WIF1: variants seen among roughly 807,000 people sequenced by gnomAD.
WIF1 encodes the protein Wnt inhibitory factor 1.
In WIF1, 35 loss-of-function variants were observed where a neutral mutation model predicts 53.5. The observed-to-expected ratio is 0.65, with a 90% confidence interval of 0.50 to 0.87. The LOEUF (loss-of-function observed/expected upper bound fraction) is 0.87, where lower values mean the gene tolerates loss of function less well. Among genes scored for constraint, WIF1 ranks in the 40% least tolerant of loss-of-function variants. The pLI, the probability that WIF1 is intolerant of heterozygous loss-of-function variation, is 0.00. For synonymous variants in WIF1, 171 were observed against 170.4 expected, an observed-to-expected ratio of 1.00 and a Z score of -0.03; for missense variants, 467 against 476.8, an observed-to-expected ratio of 0.98 and a Z score of 0.19.
intron 2 of WIF1, among the ~76,000 whole-genome samples, chr12:65,117,894 C>T (rs904941857): frequency 2.6e-5 from 4 of 152,208 alleles, no homozygotes; most frequent in African/African-American, 9.6e-5. Flanking sequence ...CATCTGTCAA[C>T]GCAGACAAAG....
chr12:65,099,216 CT>C (rs143808770), intron 2 of WIF1, among the ~76,000 whole-genome samples: 4,680 of 152,228 alleles, frequency 0.031, 244 homozygotes, highest in African/African-American at 0.11. Context: ...GGAGACATAT[CT>C]TTGCCTTTAT....
Position 65,055,206 on chromosome 12 carries a change from G to T in WIF1, c.930C>A (p.Cys310Ter), listed in dbSNP as rs1026024. ...TTCCATGTGCACCACAGCCAGGCTC[G>T]CAGACAGCTAGAATCAAAAGAAATA... ...YQGDLCSKPVCEPGCGAHGTC... is the reference protein window; with the variant it reads ...YQGDLCSKPV The change falls in exon 9 of 10, where the codon TGC becomes TGA. Residue 310 changes from cysteine to a stop codon, truncating the protein, a stop_gained. Transcript: ENST00000286574. LOFTEE classifies it high-confidence loss of function. The T allele has an allele frequency of 6.2e-7, 1 of 1,613,416 alleles. No homozygotes were observed. The highest frequency in any genetic ancestry group is 8.5e-7 in the Non-Finnish European group (1 of 1,179,792).
At chr12:65,065,287 T>G (rs1403173598) in intron 6 of WIF1, among the ~76,000 whole-genome samples, 1 of 152,052 alleles carries the variant, frequency 6.6e-6, no homozygotes, top group African/African-American at 2.4e-5. Flanking sequence ...GAGATCAAGT[T>G]GCCTGCCCAG....
chr12:65,112,401 T>G (rs1334595569), intron 2 of WIF1, among the ~76,000 whole-genome samples: 2 of 49,804 alleles, frequency 4.0e-5, no homozygotes, highest in Non-Finnish European at 1.1e-4. Context: ...TTCCCTGCTC[T>G]AATCACACAC....
chr12:65,092,772 G>A (rs557607269), intron 2 of WIF1, among the ~76,000 whole-genome samples: 61 of 151,944 alleles, frequency 4.0e-4, no homozygotes, highest in Admixed American at 8.5e-4. Flanking sequence ...CAGCTCATGG[G>A]GAAGCAATGC....
At chr12:65,089,480 T>G (rs185491171) in intron 2 of WIF1, among the ~76,000 whole-genome samples, 49 of 152,278 alleles carry the variant, frequency 3.2e-4, no homozygotes, top group African/African-American at 9.9e-4. Flanking sequence ...AAATGCCAAC[T>G]GGAATATATC....
intron 2 of WIF1, 143 bp downstream of exon 2, chr12:65,120,274 A>T (rs1476142786): frequency 2.2e-6 from 2 of 893,536 alleles, no homozygotes; most frequent in Non-Finnish European, 3.2e-6. Context: ...ATAAATGGAA[A>T]TTAATTCTTT....
At chr12:65,119,479 T>C (rs928422904) in intron 2 of WIF1, among the ~76,000 whole-genome samples, 4 of 152,142 alleles carry the variant, frequency 2.6e-5, no homozygotes, top group Admixed American at 6.5e-5. Context: ...GGAAACAAAG[T>C]GGTTTCTCAA....
intron 7 of WIF1, among the ~76,000 whole-genome samples, chr12:65,056,469 C>T (rs1882529995): frequency 6.8e-6 from 1 of 146,796 alleles, no homozygotes; most frequent in Non-Finnish European, 1.5e-5. Flanking sequence ...AAGTGATCCG[C>T]CCGCCTTGGC....
intron 2 of WIF1, among the ~76,000 whole-genome samples, chr12:65,079,886 T>G (rs1882922024): frequency 6.6e-6 from 1 of 152,114 alleles, no homozygotes; most frequent in Non-Finnish European, 1.5e-5. Context: ...TTATATTAAT[T>G]TTTGCATTCT....
chr12:65,077,230 A>G (rs1441756299), intron 3 of WIF1, among the ~76,000 whole-genome samples: 2 of 152,260 alleles, frequency 1.3e-5, no homozygotes, highest in Non-Finnish European at 2.9e-5. Context: ...CAAATATCAC[A>G]TACTATTATT....
chr12:65,077,501 A>G (rs548748978), intron 3 of WIF1, among the ~76,000 whole-genome samples: 6 of 152,208 alleles, frequency 3.9e-5, no homozygotes, highest in African/African-American at 7.2e-5. Context: ...GTCTGGAATC[A>G]TTTATGAACT....
intron 2 of WIF1, among the ~76,000 whole-genome samples, chr12:65,091,541 T>A (rs1883123343): frequency 6.6e-6 from 1 of 151,820 alleles, no homozygotes; most frequent in Admixed American, 6.6e-5. Flanking sequence ...CAATATTGTA[T>A]CCTATATAAC....
At chr12:65,104,817 G>T (rs988662384) in intron 2 of WIF1, among the ~76,000 whole-genome samples, 8 of 152,054 alleles carry the variant, frequency 5.3e-5, no homozygotes, top group Non-Finnish European at 8.8e-5. Flanking sequence ...TCTAATTCTA[G>T]CAATCAACTC....
chr12:65,062,349 C>G (rs1440769158), intron 7 of WIF1, 132 bp downstream of exon 7: 23 of 751,012 alleles, frequency 3.1e-5, no homozygotes, highest in Admixed American at 6.3e-5. Context: ...CAAAAAGAAA[C>G]CACTGGCCTA....
intron 2 of WIF1, among the ~76,000 whole-genome samples, chr12:65,094,782 GCTT>G (rs1020427119): frequency 6.6e-6 from 1 of 151,836 alleles, no homozygotes; most frequent in African/African-American, 2.4e-5. Context: ...TTGTGTCTTG[GCTT>G]CTTCTTTCCC....
intron 2 of WIF1, among the ~76,000 whole-genome samples, chr12:65,099,979 T>A (rs926768574): frequency 3.3e-5 from 5 of 152,130 alleles, no homozygotes; most frequent in African/African-American, 1.2e-4. Flanking sequence ...AAACATTTTT[T>A]AAAGCATTTC....
chr12:65,106,094 T>C (rs2136292208), intron 2 of WIF1, among the ~76,000 whole-genome samples: 1 of 152,280 alleles, frequency 6.6e-6, no homozygotes, highest in Middle Eastern at 3.4e-3. Flanking sequence ...CCATTCAGGA[T>C]GGCATATGTG....
chr12:65,103,349 G>A (rs1185223661), intron 2 of WIF1, among the ~76,000 whole-genome samples: 1 of 152,162 alleles, frequency 6.6e-6, no homozygotes, highest in Non-Finnish European at 1.5e-5. Context: ...GTACATGAAA[G>A]GCATCATTAC....
Sources: gnomAD v4.1 joint callset for allele counts (sites outside exome capture counted in the v4.1 genomes callset) on GRCh38, gnomAD v4.1.1 for gene constraint, MANE v1.5 for transcripts, NCBI Gene and HGNC (gene_info 2026-07-23, HGNC 2026-07-21) for gene names.